OTOA: variants seen among roughly 807,000 people sequenced by gnomAD.
OTOA encodes cancer/testis antigen 108.
Under a neutral mutation model 110.8 loss-of-function variants are expected in OTOA, and 70 were observed. That is an observed-to-expected ratio of 0.63 (90% confidence interval 0.52 to 0.77). The LOEUF (loss-of-function observed/expected upper bound fraction) is 0.77. OTOA is among the 30% of genes least tolerant of loss of function. OTOA has a pLI of 0.00. For synonymous variants in OTOA, 373 were observed against 431.5 expected (o/e 0.86, Z 1.68); for missense variants, 917 against 1,075.8 (o/e 0.85, Z 2.06).
At chr16:21,666,487 T>TG (rs1966840482) in intron 1 of OTOA, among the ~76,000 whole-genome samples, 1 of 152,168 alleles carries the variant, frequency 6.6e-6, no homozygotes, top group African/African-American at 2.4e-5. Context: ...CCTCCGGGTT[T>TG]GCCTGTGACT....
chr16:21,718,370 G>T (rs751570423), intron 15 of OTOA, among the ~76,000 whole-genome samples: 5 of 152,070 alleles, frequency 3.3e-5, no homozygotes, highest in Non-Finnish European at 5.9e-5. Flanking sequence ...ACCATGGGAG[G>T]GTCCCAGAAT....
intron 13 of OTOA, among the ~76,000 whole-genome samples, chr16:21,713,123 C>T (rs1032432911): frequency 5.3e-5 from 8 of 152,010 alleles, no homozygotes; most frequent in Non-Finnish European, 1.2e-4. Flanking sequence ...GCCACTACGC[C>T]GGGCTGATTT....
chr16:21,712,664 C>T (rs886203203), intron 13 of OTOA, among the ~76,000 whole-genome samples: 1 of 146,040 alleles, frequency 6.8e-6, no homozygotes, highest in South Asian at 2.3e-4. Flanking sequence ...CACGGTGAAA[C>T]CATGTCTCTA....
At chr16:21,718,636 C>A (rs1188954369) in intron 15 of OTOA, among the ~76,000 whole-genome samples, 1 of 152,212 alleles carries the variant, frequency 6.6e-6, no homozygotes, top group Non-Finnish European at 1.5e-5. Context: ...CAAATGACTC[C>A]CCTGTCTACT....
chr16:21,733,999 C>T (rs1042924586), intron 21 of OTOA, among the ~76,000 whole-genome samples: 4 of 151,972 alleles, frequency 2.6e-5, no homozygotes, highest in African/African-American at 4.8e-5. Context: ...GGGGTTTCAC[C>T]GTGTTGGCCA....
chr16:21,674,626 G>A (rs1185471342), intron 1 of OTOA, among the ~76,000 whole-genome samples: 3 of 150,436 alleles, frequency 2.0e-5, no homozygotes, highest in Non-Finnish European at 4.4e-5. Context: ...GATTCACTGC[G>A]CCTGGCTTCA....
chr16:21,728,877 G>A (rs1046461372), intron 20 of OTOA, among the ~76,000 whole-genome samples: 5 of 152,014 alleles, frequency 3.3e-5, no homozygotes, highest in African/African-American at 9.7e-5. Context: ...GTGAGTCACC[G>A]CGCCTGGCCT....
chr16:21,717,742 A>G (rs1188269787), intron 15 of OTOA, among the ~76,000 whole-genome samples: 3 of 152,080 alleles, frequency 2.0e-5, no homozygotes, highest in Non-Finnish European at 2.9e-5. Context: ...TCTTCATTAC[A>G]TGCATCCAGC....
Position 21,736,254 on chromosome 16 carries a change from C to G in OTOA, c.2302-7C>G. Reference sequence around the variant, plus strand: ...TTATTCCTCTTCTTTCATCTTCTTTCACACAGTTTCCTGAGATCCTTCTGC... The same window carrying G: ...TTATTCCTCTTCTTTCATCTTCTTTGACACAGTTTCCTGAGATCCTTCTGC... On this transcript the variant is annotated splice_polypyrimidine_tract_variant and splice_region_variant and intron_variant, in intron 21 of 28. Coordinates refer to ENST00000646100, the MANE Select transcript of OTOA (RefSeq NM_144672.4). 1 of 1,610,462 alleles carries G rather than the reference C, an allele frequency of 6.2e-7. No homozygotes were observed. The highest frequency in any genetic ancestry group is 1.1e-5 in the South Asian group (1 of 90,980).
At position 21,691,671 on chromosome 16, in the gene OTOA, A is replaced by G; in HGVS notation, c.723A>G (p.Thr241=). 6.2e-7 allele frequency: 1 copy of G among 1,613,752 alleles called. No homozygotes were observed. Among genetic ancestry groups the G allele is most frequent in the Non-Finnish European group, 8.5e-7 (1 of 1,179,734 alleles). The stretch of plus-strand genomic sequence containing the variant: ...CCTGGATGACTGGAATACTGCAGAC[A>G]TCCTCCAATGCCACTGGTGAGCCTG... The part of the protein sequence containing the change: ...LYSWMTGILQ[T]SSNATDDSAS... The change falls in exon 9 of 29, where the codon ACA becomes ACG. Residue 241 remains threonine (T), a synonymous_variant. Coordinates refer to ENST00000646100, the MANE Select transcript of OTOA (RefSeq NM_144672.4).
chr16:21,672,295 G>T (rs950556047), intron 1 of OTOA, among the ~76,000 whole-genome samples: 1 of 151,914 alleles, frequency 6.6e-6, no homozygotes, highest in Non-Finnish European at 1.5e-5. Context: ...TTCCCTTTGG[G>T]TGCTTAAAAA....
chr16:21,707,118 G>A (rs1158010570), intron 12 of OTOA, among the ~76,000 whole-genome samples: 3 of 151,828 alleles, frequency 2.0e-5, no homozygotes, highest in Non-Finnish European at 2.9e-5. Flanking sequence ...ACCTGCCTTG[G>A]CCTCCCAAAG....
At chr16:21,681,579 AAAAAG>A (rs1472609099) in intron 5 of OTOA, among the ~76,000 whole-genome samples, 154 bp from the exon 6 acceptor site, 1 of 152,154 alleles carries the variant, frequency 6.6e-6, no homozygotes, top group Non-Finnish European at 1.5e-5. Context: ...AGAGAAAAGA[AAAAAG>A]GAAAGAAAAG....
chr16:21,724,933 C>T (rs908775777), intron 18 of OTOA, among the ~76,000 whole-genome samples: 4 of 151,938 alleles, frequency 2.6e-5, no homozygotes, highest in Admixed American at 6.6e-5. Context: ...TGCGCCACCA[C>T]GCCTGGCTAA....
Position 21,677,120 on chromosome 16 carries a change from T to C in OTOA, c.-4-1391T>C, listed in dbSNP as rs918234174. ...TTAACCTTTCACCTGTTATTGGATATGTGATTGTTTCCAATATCTGGCTAC... is the reference window on the plus strand; with the variant it reads ...TTAACCTTTCACCTGTTATTGGATACGTGATTGTTTCCAATATCTGGCTAC... On this transcript the variant is annotated intron_variant, in intron 1 of 28. Transcript: ENST00000646100. 7.9e-5 allele frequency among the ~76,000 whole-genome samples: 12 copies of C among 152,222 alleles called. 1 individual carries two copies. Among genetic ancestry groups the C allele is most frequent in the Admixed American group, 5.9e-4 (9 of 15,280 alleles).
Position 21,675,913 on chromosome 16 carries a change from GTAATTT to G in OTOA, c.-4-2596_-4-2591del, listed in dbSNP as rs1269434904. Among the ~76,000 whole-genome samples, 2 of 151,874 alleles carry G rather than the reference GTAATTT, an allele frequency of 1.3e-5. 1 individual carries two copies. The highest frequency in any genetic ancestry group is 2.9e-5 in the Non-Finnish European group (2 of 67,992). On this transcript the variant is annotated intron_variant, in intron 1 of 28. Transcript: ENST00000646100. ...ATTTTCCTGCTTCCTAGTATGCCTG[GTAATTT>G]TTATTTATTTATTAAAAAATTTCTT...
chr16:21,708,235 T>C (rs974122325), intron 12 of OTOA, among the ~76,000 whole-genome samples: 1 of 152,124 alleles, frequency 6.6e-6, no homozygotes, highest in Admixed American at 6.5e-5. Context: ...CAGTGACAGA[T>C]CATCAGGCAT....
At chr16:21,695,891 A>ATATATATATATTTTTT (rs569493650) in intron 9 of OTOA, among the ~76,000 whole-genome samples, 22 of 41,884 alleles carry the variant, frequency 5.3e-4, no homozygotes, top group African/African-American at 1.9e-3. Flanking sequence ...ATATATATAT[A>ATATATATATATTTTTT]TTTTTTTTTT....
Position 21,760,659 on chromosome 16 carries a change from A to T in OTOA, c.*119A>T, listed in dbSNP as rs1900144183. 4 of 818,868 alleles carry T rather than the reference A, an allele frequency of 4.9e-6. No homozygotes were observed. The highest frequency in any genetic ancestry group is 2.1e-5 in the Admixed American group (1 of 47,730). The allele number at this position is 818,868 out of a possible 1,614,324, so 50.7% of individuals were successfully genotyped here. A position where few individuals can be genotyped will look rare whatever the true frequency, so the allele number is the denominator to read the frequency against. On this transcript the variant is annotated 3_prime_UTR_variant, in exon 29 of 29. Coordinates refer to ENST00000646100, the MANE Select transcript of OTOA (RefSeq NM_144672.4). ...TCCAGACCCTCATCTAGGGCAGGGA[A>T]ACCCTGGGGCCTTGATGGTGAAAAT...
Sources: gnomAD v4.1 joint callset for allele counts (sites outside exome capture counted in the v4.1 genomes callset) on GRCh38, gnomAD v4.1.1 for gene constraint, MANE v1.5 for transcripts, NCBI Gene and HGNC (gene_info 2026-07-23, HGNC 2026-07-21) for gene names.